Variants in CRPPA observed in about 807,000 individuals in gnomAD.
The protein encoded by CRPPA is D-ribitol-5-phosphate cytidylyltransferase.
In CRPPA, 43 loss-of-function variants were observed where a neutral mutation model predicts 52.0. That is an observed-to-expected ratio of 0.83 (90% confidence interval 0.65 to 1.07). The LOEUF (loss-of-function observed/expected upper bound fraction) is 1.07, where lower values mean the gene tolerates loss of function less well. Among genes scored for constraint, CRPPA ranks in the 50% least tolerant of loss-of-function variants. The probability of loss-of-function intolerance (pLI) is 0.00; values close to 1 mark genes in which losing one functional copy is unlikely to be tolerated. For synonymous variants in CRPPA, 250 were observed against 203.5 expected (o/e 1.23, Z -1.94); for missense variants, 629 against 551.7 (o/e 1.14, Z -1.40).
At chr7:16,209,373 G>A (rs1782070351) in intron 9 of CRPPA, 1 of 162,928 alleles carries the variant, frequency 6.1e-6, no homozygotes, top group African/African-American at 2.4e-5. Flanking sequence ...AGGGATTCAA[G>A]TGATTGTCTT....
At chr7:16,315,971 A>T (rs982088636) in intron 3 of CRPPA, among the ~76,000 whole-genome samples, 3 of 152,134 alleles carry the variant, frequency 2.0e-5, no homozygotes, top group Non-Finnish European at 4.4e-5. Context: ...CAATTGTTCA[A>T]TATTTTACTT....
chr7:16,215,431 C>A (rs747113025), intron 9 of CRPPA, among the ~76,000 whole-genome samples: 9 of 152,182 alleles, frequency 5.9e-5, no homozygotes, highest in Non-Finnish European at 1.3e-4. Context: ...CATTTCTCTG[C>A]ACAAAGAATC....
chr7:16,178,061 CAAA>C (rs5882558), intron 9 of CRPPA, among the ~76,000 whole-genome samples: 11 of 136,782 alleles, frequency 8.0e-5, no homozygotes, highest in African/African-American at 5.4e-5. Context: ...TAAAAGAAGG[CAAA>C]AAAAAAAAAA....
rs181936236 is a variant in CRPPA at position 16,197,237 on chromosome 7, C to A, written c.1251+18829G>T. On this transcript the variant is annotated intron_variant, in intron 9 of 9. Transcript: ENST00000407010. ...GGACACAATGGCTTTCCACTGTGTA[C>A]AAGTATATGTGATTTAAGTTTAAAA... Among the ~76,000 whole-genome samples the A allele has an allele frequency of 6.6e-5, 10 of 152,236 alleles. No individual in the cohort carries two copies. In the East Asian group the frequency reaches 1.9e-3, roughly 29 times the overall value.
intron 8 of CRPPA, among the ~76,000 whole-genome samples, chr7:16,252,728 C>A (rs1783494196): frequency 6.6e-6 from 1 of 152,230 alleles, no homozygotes; most frequent in East Asian, 1.9e-4. Context: ...GTGAATCGGT[C>A]TGGTCCTGGA....
chr7:16,114,425 C>T (rs1162197314), intron 9 of CRPPA, among the ~76,000 whole-genome samples: 1 of 151,958 alleles, frequency 6.6e-6, no homozygotes, highest in East Asian at 1.9e-4. Flanking sequence ...TCTCCTTCTC[C>T]TGTTCTGCCA....
At chr7:16,377,286 A>G (rs1294676771) in intron 2 of CRPPA, among the ~76,000 whole-genome samples, 7 of 152,170 alleles carry the variant, frequency 4.6e-5, no homozygotes, top group Non-Finnish European at 1.0e-4. Context: ...CAGGGTGACA[A>G]AGAGGAAGTA....
At chr7:16,313,579 T>C (rs565464444) in intron 3 of CRPPA, among the ~76,000 whole-genome samples, 1 of 152,134 alleles carries the variant, frequency 6.6e-6, no homozygotes, top group South Asian at 2.1e-4. Context: ...TTCTGCTTAA[T>C]CTGCTGTTCT....
intron 3 of CRPPA, among the ~76,000 whole-genome samples, chr7:16,351,781 G>A (rs1479800104): frequency 1.3e-5 from 2 of 152,196 alleles, no homozygotes; most frequent in African/African-American, 2.4e-5. Context: ...TGGAGAGGAT[G>A]TGGAGAAAGA....
chr7:16,408,208 T>C (rs758078412), intron 1 of CRPPA, among the ~76,000 whole-genome samples: 1 of 151,868 alleles, frequency 6.6e-6, no homozygotes, highest in Non-Finnish European at 1.5e-5. Context: ...CGATCAACAA[T>C]TGCAAGCTGT....
intron 9 of CRPPA, among the ~76,000 whole-genome samples, chr7:16,184,429 A>G (rs958583870): frequency 6.6e-6 from 1 of 152,134 alleles, no homozygotes; most frequent in Admixed American, 6.6e-5. Context: ...TGCTTTTCAT[A>G]TTTTATTGAT....
At chr7:16,306,301 C>T (rs1784910224) in intron 4 of CRPPA, among the ~76,000 whole-genome samples, 1 of 152,174 alleles carries the variant, frequency 6.6e-6, no homozygotes, top group African/African-American at 2.4e-5. Context: ...AAAAGGGACT[C>T]ACCAGTGGAA....
rs991094503 is a variant in CRPPA at position 16,089,536 on chromosome 7, CAT to C, written c.*2157_*2158del. ...ATATGGGTATATATGTACGTACATACATATATATGTATATACATGTAAGTATA... is the reference window on the plus strand; with the variant it reads ...ATATGGGTATATATGTACGTACATACATATATGTATATACATGTAAGTATA... On this transcript the variant is annotated 3_prime_UTR_variant, in exon 10 of 10. Coordinates refer to ENST00000407010, the MANE Select transcript of CRPPA (RefSeq NM_001101426.4). 6.8e-5 allele frequency: 16 copies of C among 235,342 alleles called. No individual in the cohort carries two copies. The highest frequency in any genetic ancestry group is 1.3e-4 in the Non-Finnish European group (14 of 111,374). The allele number at this position is 235,342 out of a possible 1,614,324, so 14.6% of individuals were successfully genotyped here.
chr7:16,363,634 T>A (rs1786514883), intron 3 of CRPPA, among the ~76,000 whole-genome samples: 1 of 152,162 alleles, frequency 6.6e-6, no homozygotes, highest in Non-Finnish European at 1.5e-5. Flanking sequence ...AAAGAAAACC[T>A]GCATCAAGCA....
intron 8 of CRPPA, among the ~76,000 whole-genome samples, chr7:16,246,392 C>T (rs1456920809): frequency 1.3e-5 from 2 of 152,160 alleles, no homozygotes; most frequent in South Asian, 2.1e-4. Context: ...GTTGAAGTCA[C>T]ATCGCTCCAA....
At chr7:16,167,578 A>C (rs140790382) in intron 9 of CRPPA, among the ~76,000 whole-genome samples, 1 of 152,184 alleles carries the variant, frequency 6.6e-6, no homozygotes, top group Non-Finnish European at 1.5e-5. Context: ...AGTGTAGTAC[A>C]GTATAAAAGA....
intron 4 of CRPPA, among the ~76,000 whole-genome samples, chr7:16,305,006 T>A (rs762988891): frequency 2.6e-5 from 4 of 152,176 alleles, no homozygotes; most frequent in South Asian, 2.1e-4. Context: ...CATTTTTTTT[T>A]AAAAGGCAGC....
chr7:16,213,541 A>G (rs775481230), intron 9 of CRPPA, among the ~76,000 whole-genome samples: 15 of 151,984 alleles, frequency 9.9e-5, no homozygotes, highest in Admixed American at 3.9e-4. Context: ...CTGAGATCAG[A>G]ATTTCAAGAC....
intron 5 of CRPPA, among the ~76,000 whole-genome samples, chr7:16,286,097 A>AAAAAAAAAT: frequency 5.1e-5 from 2 of 39,130 alleles, no homozygotes; most frequent in African/African-American, 3.7e-4. Flanking sequence ...TAAAAAAAAA[A>AAAAAAAAAT]ATATATATAT....
Sources: allele counts gnomAD v4.1 joint callset (sites outside exome capture counted in the v4.1 genomes callset), GRCh38; gene constraint gnomAD v4.1.1; transcripts MANE v1.5; gene names NCBI Gene and HGNC (gene_info 2026-07-23, HGNC 2026-07-21).